Variants in EVC2 observed in about 807,000 individuals in gnomAD.
The protein encoded by EVC2 is EvC ciliary complex subunit 2.
In EVC2, 148 loss-of-function variants were observed where a neutral mutation model predicts 149.3. That is an observed-to-expected ratio of 0.99 (90% CI 0.87 to 1.14). The LOEUF (loss-of-function observed/expected upper bound fraction) is 1.14, where lower values mean the gene tolerates loss of function less well. Among genes scored for constraint, EVC2 ranks in the 50% most tolerant of loss-of-function variants. The probability of loss-of-function intolerance (pLI) is 0.00; values close to 1 mark genes in which losing one functional copy is unlikely to be tolerated. For synonymous variants in EVC2, 776 were observed against 649.9 expected (o/e 1.19, Z -2.95); for missense variants, 1,854 against 1,627.3 (o/e 1.14, Z -2.40).
chr4:5,545,948 A>C (rs558537024), intron 21 of EVC2, among the ~76,000 whole-genome samples: 1 of 152,352 alleles, frequency 6.6e-6, no homozygotes, highest in East Asian at 1.9e-4. Flanking sequence ...ATGCAGCCAC[A>C]AAACACATGA....
chr4:5,570,327 G>C (rs1436790987), intron 19 of EVC2, among the ~76,000 whole-genome samples: 2 of 152,206 alleles, frequency 1.3e-5, no homozygotes, highest in Non-Finnish European at 2.9e-5. Context: ...GATCCCACCA[G>C]TCAATATGGG....
intron 12 of EVC2, among the ~76,000 whole-genome samples, chr4:5,627,570 C>T (rs948015586): frequency 7.9e-5 from 12 of 152,078 alleles, no homozygotes; most frequent in Non-Finnish European, 1.3e-4. Context: ...ATAAGAAAGC[C>T]GCTTTATAGT....
intron 6 of EVC2, 80 bp downstream of exon 6, chr4:5,685,290 T>G: frequency 7.4e-7 from 1 of 1,351,756 alleles, no homozygotes; most frequent in Admixed American, 1.7e-5. Flanking sequence ...CTAACAGGTC[T>G]TCTGTCTGAA....
intron 16 of EVC2, among the ~76,000 whole-genome samples, chr4:5,600,447 C>T (rs1713885957): frequency 6.6e-6 from 1 of 151,826 alleles, no homozygotes; most frequent in East Asian, 1.9e-4. Flanking sequence ...AGTACATGCA[C>T]AATATAAAAA....
the EVC2 span, among the ~76,000 whole-genome samples, chr4:5,533,762 G>A: frequency 1.3e-5 from 2 of 152,214 alleles, no homozygotes; most frequent in Non-Finnish European, 2.9e-5. Flanking sequence ...CAGGGCATGG[G>A]GGAAAGAGGG....
At chr4:5,638,434 A>G (rs1330265983) in intron 10 of EVC2, among the ~76,000 whole-genome samples, 1 of 152,124 alleles carries the variant, frequency 6.6e-6, no homozygotes, top group Admixed American at 6.5e-5. Context: ...GAAAGAATCA[A>G]AAGAGAGATA....
At chr4:5,642,470 G>A (rs1173955323) in intron 9 of EVC2, among the ~76,000 whole-genome samples, 1 of 152,086 alleles carries the variant, frequency 6.6e-6, no homozygotes, top group Non-Finnish European at 1.5e-5. Context: ...ATTTTATCAT[G>A]TGATAGACCA....
intron 21 of EVC2, among the ~76,000 whole-genome samples, chr4:5,551,080 G>T (rs1721727400): frequency 6.6e-6 from 1 of 152,228 alleles, no homozygotes; most frequent in Non-Finnish European, 1.5e-5. Flanking sequence ...CTCTGCCAGG[G>T]CAGTGTGAAA....
intron 7 of EVC2, 39 bp downstream of exon 7, chr4:5,681,221 T>C (rs1353790911): frequency 2.5e-6 from 4 of 1,610,784 alleles, no homozygotes; most frequent in Non-Finnish European, 3.4e-6. Context: ...ACAGCACAGG[T>C]GTGTCCTGAG....
At chr4:5,646,874 G>A (rs1717758209) in intron 9 of EVC2, among the ~76,000 whole-genome samples, 1 of 152,178 alleles carries the variant, frequency 6.6e-6, no homozygotes, top group African/African-American at 2.4e-5. Flanking sequence ...ATTACAAATG[G>A]ATGGGAAGAC....
At chr4:5,604,402 T>C (rs1030542630) in intron 16 of EVC2, among the ~76,000 whole-genome samples, 1 of 152,172 alleles carries the variant, frequency 6.6e-6, no homozygotes. Context: ...ACACGTGGAT[T>C]TGCTTTCAAT....
At chr4:5,683,133 T>A (rs570606137) in intron 6 of EVC2, among the ~76,000 whole-genome samples, 1 of 152,190 alleles carries the variant, frequency 6.6e-6, no homozygotes, top group Non-Finnish European at 1.5e-5. Context: ...CCTCTTTTCA[T>A]AGGAGGGAAA....
At chr4:5,610,429 TA>T (rs1380631414) in intron 16 of EVC2, among the ~76,000 whole-genome samples, 1 of 152,168 alleles carries the variant, frequency 6.6e-6, no homozygotes, top group Non-Finnish European at 1.5e-5. Flanking sequence ...AAACGAAATC[TA>T]AATCACCCTT....
intron 17 of EVC2, among the ~76,000 whole-genome samples, chr4:5,581,711 C>G (rs1164809996): frequency 6.6e-6 from 1 of 151,944 alleles, no homozygotes; most frequent in Non-Finnish European, 1.5e-5. Context: ...CCCACCATAG[C>G]CAAGAGAATG....
intron 16 of EVC2, among the ~76,000 whole-genome samples, chr4:5,593,306 T>G (rs1465735628): frequency 6.6e-6 from 1 of 152,218 alleles, no homozygotes; most frequent in African/African-American, 2.4e-5. Context: ...GTCACCTGCC[T>G]GCCCTTCTTT....
At chr4:5,557,526 T>C (rs56951170), downstream of EVC2, among the ~76,000 whole-genome samples, 300 of 152,252 alleles carry the variant, frequency 2.0e-3, 1 homozygote, top group African/African-American at 6.5e-3. Context: ...ACAACTTCTA[T>C]TCAATATCAT....
rs1553828350 is a variant in EVC2 at position 5,612,948 on chromosome 4, A to AAAC, written c.2829+2473_2829+2474insGTT. Among the ~76,000 whole-genome samples the AAAC allele has an allele frequency of 5.7e-4, 82 of 143,196 alleles. 4 individuals carry two copies. The highest frequency in any genetic ancestry group is 2.3e-3 in the African/African-American group (79 of 34,144). The allele number at this position is 143,196 out of a possible 152,430, so 93.9% of individuals were successfully genotyped here. The stretch of plus-strand genomic sequence containing the variant: ...AAAAAAAAAAAAAAAAAAAAAAAAA[A>AAAC]AGAAATAATTATGAGACAGAGCAGG... On this transcript the variant is annotated intron_variant, in intron 16 of 21. Transcript: ENST00000344408.
intron 10 of EVC2, among the ~76,000 whole-genome samples, chr4:5,632,904 C>A (rs146176723): frequency 6.6e-6 from 1 of 152,230 alleles, no homozygotes; most frequent in East Asian, 1.9e-4. Context: ...AGTATATATG[C>A]CACATAAATT....
intron 10 of EVC2, among the ~76,000 whole-genome samples, chr4:5,638,613 C>G (rs115742469): frequency 6.6e-5 from 10 of 151,990 alleles, no homozygotes; most frequent in African/African-American, 2.4e-5. Context: ...TCCCACCCCC[C>G]AAAAAAGATA....
Sources: gnomAD v4.1 joint callset for allele counts (sites outside exome capture counted in the v4.1 genomes callset) on GRCh38, gnomAD v4.1.1 for gene constraint, MANE v1.5 for transcripts, NCBI Gene and HGNC (gene_info 2026-07-23, HGNC 2026-07-21) for gene names.